Variants in ZDHHC21 observed in about 807,000 individuals in gnomAD.
ZDHHC21 encodes zDHHC palmitoyltransferase 21, also known as palmitoyltransferase ZDHHC21.
ZDHHC21 carries 15 observed loss-of-function variants against 34.6 expected under a neutral mutation model. The ratio of observed to expected loss-of-function variants is 0.43; its 90% CI spans 0.29 to 0.67. The LOEUF is 0.67. Ranked by LOEUF, ZDHHC21 falls within the 30% of genes least tolerant of loss-of-function variation. The probability of loss-of-function intolerance (pLI) is 0.14; values close to 1 mark genes in which losing one functional copy is unlikely to be tolerated. For synonymous variants in ZDHHC21, 142 were observed against 101.8 expected, an observed-to-expected ratio of 1.40 and a Z score of -2.38; for missense variants, 344 against 327.7, an observed-to-expected ratio of 1.05 and a Z score of -0.38.
At chr9:14,658,056 G>C (rs1028022251) in intron 7 of ZDHHC21, among the ~76,000 whole-genome samples, 16 of 152,054 alleles carry the variant, frequency 1.1e-4, no homozygotes, top group African/African-American at 3.9e-4. Flanking sequence ...ACTGATGAAA[G>C]GCAGGGAGAA....
intron 8 of ZDHHC21, among the ~76,000 whole-genome samples, chr9:14,625,730 CAA>C (rs1200489936): frequency 6.7e-6 from 1 of 149,850 alleles, no homozygotes; most frequent in African/African-American, 2.4e-5. Flanking sequence ...AACAAACAAA[CAA>C]GTGGTTTTAT....
intron 7 of ZDHHC21, among the ~76,000 whole-genome samples, chr9:14,649,896 T>G (rs1015378123): frequency 6.6e-6 from 1 of 152,106 alleles, no homozygotes; most frequent in Non-Finnish European, 1.5e-5. Context: ...CACCAATTAA[T>G]GCAGTGCTAC....
chr9:14,620,737 A>G (rs1825161985), intron 8 of ZDHHC21, among the ~76,000 whole-genome samples: 1 of 152,086 alleles, frequency 6.6e-6, no homozygotes, highest in Non-Finnish European at 1.5e-5. Flanking sequence ...GAATAGTTGC[A>G]TAACTACAGT....
the ZDHHC21 span, among the ~76,000 whole-genome samples, chr9:14,605,674 G>A: frequency 6.6e-6 from 1 of 152,168 alleles, no homozygotes; most frequent in African/African-American, 2.4e-5. Context: ...TAGCTATGCA[G>A]AAGCTTTTAA....
chr9:14,671,401 C>T (rs1835411220), intron 5 of ZDHHC21, among the ~76,000 whole-genome samples: 1 of 151,918 alleles, frequency 6.6e-6, no homozygotes, highest in African/African-American at 2.4e-5. Context: ...AAGTTTGGGT[C>T]CTAACAGAGA....
At chr9:14,624,467 A>G (rs1825869427) in intron 8 of ZDHHC21, among the ~76,000 whole-genome samples, 1 of 152,176 alleles carries the variant, frequency 6.6e-6, no homozygotes, top group Non-Finnish European at 1.5e-5. Flanking sequence ...TATATACACA[A>G]TGGAATACTA....
intron 8 of ZDHHC21, among the ~76,000 whole-genome samples, chr9:14,624,946 T>A (rs1825952551): frequency 6.6e-6 from 1 of 152,076 alleles, no homozygotes; most frequent in South Asian, 2.1e-4. Flanking sequence ...ATCAAAAATT[T>A]AAAAATTAAA....
chr9:14,603,921 T>C, the ZDHHC21 span, among the ~76,000 whole-genome samples: 1 of 152,188 alleles, frequency 6.6e-6, no homozygotes, highest in African/African-American at 2.4e-5. Context: ...TTGATTTGCC[T>C]TAAGAAAATA....
chr9:14,619,619 C>T lies in ZDHHC21; in HGVS notation c.665+20G>A. ...CTTTCCAATTTTAAATAATACTATACACTTCAGTTTTATACTTACATATCT... is the reference window on the plus strand; with the variant it reads ...CTTTCCAATTTTAAATAATACTATATACTTCAGTTTTATACTTACATATCT... On this transcript the variant is annotated intron_variant, in intron 9 of 9. Coordinates refer to ENST00000380916, the MANE Select transcript of ZDHHC21 (RefSeq NM_178566.6). 2 of 1,398,274 alleles carry T rather than the reference C, an allele frequency of 1.4e-6. No individual in the cohort carries two copies. Among genetic ancestry groups the T allele is most frequent in the East Asian group, 2.5e-5 (1 of 40,662 alleles). 86.6% of individuals were successfully genotyped at this position (1,398,274 alleles called of 1,614,324 possible). A position where few individuals can be genotyped will look rare whatever the true frequency, so the allele number is the denominator to read the frequency against.
chr9:14,693,313 C>T lies in ZDHHC21; in HGVS notation c.-309G>A, dbSNP rs1008109037. On this transcript the variant is annotated 5_prime_UTR_variant, in exon 1 of 10. Coordinates refer to ENST00000380916, the MANE Select transcript of ZDHHC21 (RefSeq NM_178566.6). ...CCTCCTCCTGCCGCGCCACCTCCGC[C>T]TCCTCCGGCGCCGCCGCCCAGGCCG... is the stretch of plus-strand genomic sequence containing the variant. 1.4e-5 allele frequency: 6 copies of T among 417,582 alleles called. No homozygotes were observed. Among genetic ancestry groups the T allele is most frequent in the Admixed American group, 5.3e-5 (2 of 37,960 alleles). The allele number at this position is 417,582 out of a possible 1,614,324, so 25.9% of individuals were successfully genotyped here.
chr9:14,623,306 A>AGTTCAAG (rs542295144), intron 8 of ZDHHC21, among the ~76,000 whole-genome samples: 113 of 152,270 alleles, frequency 7.4e-4, no homozygotes, highest in African/African-American at 2.6e-3. Context: ...TGAGGCCAGG[A>AGTTCAAG]GTTCAAGACC....
chr9:14,592,021 G>C, the ZDHHC21 span, among the ~76,000 whole-genome samples: 1 of 151,916 alleles, frequency 6.6e-6, no homozygotes, highest in East Asian at 1.9e-4. Context: ...TTTTTATTGA[G>C]GTTTTTACTC....
At chr9:14,664,666 G>A (rs1470297756) in intron 5 of ZDHHC21, among the ~76,000 whole-genome samples, 2 of 151,756 alleles carry the variant, frequency 1.3e-5, no homozygotes, top group East Asian at 3.9e-4. Flanking sequence ...CTGAGAACTG[G>A]CAGACTGCCT....
rs768960207 is a variant in ZDHHC21, at chr9:14,671,756, C to T, written c.253+1074G>A. Among the ~76,000 whole-genome samples the T allele has an allele frequency of 5.3e-5, 8 of 152,072 alleles. No individual in the cohort carries two copies. In the South Asian group the frequency reaches 8.3e-4, roughly 16 times the overall value. On this transcript the variant is annotated intron_variant, in intron 5 of 9. Coordinates refer to ENST00000380916, the MANE Select transcript of ZDHHC21 (RefSeq NM_178566.6). ...TGATGGTTACACAACTGTGGGCATA[C>T]AAAAACCCATAGAATTGTACACTCT...
chr9:14,658,464 CTTTT>C (rs769819264), intron 7 of ZDHHC21, among the ~76,000 whole-genome samples: 39 of 65,378 alleles, frequency 6.0e-4, no homozygotes, highest in South Asian at 2.8e-3. Context: ...ATAAACATTT[CTTTT>C]TTTTTTTTTT....
chr9:14,606,406 T>C (rs978839506), downstream of ZDHHC21, among the ~76,000 whole-genome samples: 3 of 152,212 alleles, frequency 2.0e-5, no homozygotes, highest in African/African-American at 7.2e-5. Context: ...GAGGTCCATG[T>C]AGGTGTTCTG....
chr9:14,690,017 C>T (rs778620276), intron 2 of ZDHHC21, among the ~76,000 whole-genome samples: 3 of 152,048 alleles, frequency 2.0e-5, no homozygotes, highest in African/African-American at 4.8e-5. Flanking sequence ...GGAAAAGGGA[C>T]TGAAAAGGCA....
At position 14,614,928 on chromosome 9, in the gene ZDHHC21, T is replaced by C. The variant is rs974161063; in HGVS notation, c.*4038A>G. 2 of 151,638 alleles carry C rather than the reference T, an allele frequency of 1.3e-5. No homozygotes were observed. The highest frequency in any genetic ancestry group is 4.8e-5 in the African/African-American group (2 of 41,394). 9.4% of individuals were successfully genotyped at this position (151,638 alleles called of 1,614,324 possible). A position where few individuals can be genotyped will look rare whatever the true frequency, so the allele number is the denominator to read the frequency against. ...AGAAACTTATTCAATAAAGTAACTATAGGTTATTAAACTTGGTAAACTTGA... is the reference window on the plus strand; with the variant it reads ...AGAAACTTATTCAATAAAGTAACTACAGGTTATTAAACTTGGTAAACTTGA... On this transcript the variant is annotated 3_prime_UTR_variant, in exon 10 of 10. Transcript: ENST00000380916.
intron 7 of ZDHHC21, among the ~76,000 whole-genome samples, chr9:14,648,185 C>A (rs2133805383): frequency 1.3e-5 from 2 of 152,230 alleles, no homozygotes; most frequent in Middle Eastern, 3.4e-3. Flanking sequence ...GTTAGCTCTT[C>A]AAACTATAAT....
Sources: gnomAD v4.1 joint callset for allele counts (sites outside exome capture counted in the v4.1 genomes callset) on GRCh38, gnomAD v4.1.1 for gene constraint, MANE v1.5 for transcripts, NCBI Gene and HGNC (gene_info 2026-07-23, HGNC 2026-07-21) for gene names.